ASPM: variants seen among roughly 807,000 people sequenced by gnomAD.
ASPM encodes the protein assembly factor for spindle microtubules, also known as abnormal spindle-like microcephaly-associated protein.
ASPM carries 256 observed loss-of-function variants against 366.4 expected under a neutral mutation model. That is an observed-to-expected ratio of 0.70 (90% CI 0.63 to 0.77). The LOEUF is 0.77. Ranked by LOEUF, ASPM falls within the 30% of genes least tolerant of loss-of-function variation. The pLI, the probability that ASPM is intolerant of heterozygous loss-of-function variation, is 0.00. For synonymous variants in ASPM, 1,414 were observed against 1,342.9 expected (o/e 1.05, Z -1.16); for missense variants, 4,146 against 4,090.4 (o/e 1.01, Z -0.37).
At position 197,122,039 on chromosome 1, in the gene ASPM, A is replaced by G; in HGVS notation, c.3746T>C (p.Val1249Ala). 2 of 1,612,024 alleles carry G rather than the reference A, an allele frequency of 1.2e-6. No homozygotes were observed. The highest frequency in any genetic ancestry group is 1.7e-6 in the Non-Finnish European group (2 of 1,178,706). Residue 1249 changes from valine to alanine, a missense_variant, in exon 16 of 28, where the codon GTT becomes GCT. Val to Ala is a moderately conservative substitution (Grantham distance 64, BLOSUM62 0). Coordinates refer to ENST00000367409, the MANE Select transcript of ASPM (RefSeq NM_018136.5). ...ACAAAGAAATGACAAATAGGTAATA[A>G]CCACCTAAAAAAAACCCACAAAAGA... ...MSNTIPDEKVVITYLSFLCAR... is the reference protein window; with the variant it reads ...MSNTIPDEKVAITYLSFLCAR...
In ASPM at chr1:197,122,163, T is replaced by C. The variant is rs965100712; in HGVS notation, c.3737A>G (p.Glu1246Gly). 1.9e-6 allele frequency: 3 copies of C among 1,609,918 alleles called. No individual in the cohort carries two copies. In the African/African-American group the frequency reaches 4.0e-5, roughly 22 times the overall value. The change falls in exon 15 of 28, where the codon GAA becomes GGA. Residue 1246 changes from glutamate to glycine, a missense_variant. Glu to Gly is a moderately conservative substitution (Grantham distance 98). Coordinates refer to ENST00000367409, the MANE Select transcript of ASPM (RefSeq NM_018136.5). ...AGAAACTCTTCTTTTACTTACCTTT[T>C]CATCTGGAATTGTATTTGACATATC... ...HSDMSNTIPD[E>G]KVVITYLSFL...
chr1:197,124,251 T>C lies in ASPM; in HGVS notation c.3249A>G (p.Ile1083Met). 1 of 1,608,608 alleles carries C rather than the reference T, an allele frequency of 6.2e-7. No individual in the cohort carries two copies. Among genetic ancestry groups the C allele is most frequent in the Non-Finnish European group, 8.5e-7 (1 of 1,175,536 alleles). The change falls in exon 13 of 28, where the codon ATA becomes ATG. Residue 1083 changes from isoleucine to methionine, a missense_variant. Ile to Met is a conservative substitution (Grantham distance 10). This residue lies in a region of ASPM where 3,624 missense variants were observed against 3,591.7 expected (regional missense o/e 1.01). Transcript: ENST00000367409. ...LKHTKSIKKT[I>M]SLLSCHSDDL... is the part of the protein sequence containing the mutation. ...CATCAGAATGGCATGATAGTAGAGA[T>C]ATTGTTTTCTTTATACTCTTTGTGT...
chr1:197,128,719 A>G, intron 9 of ASPM, 54 bp from the exon 10 acceptor site: 1 of 1,354,030 alleles, frequency 7.4e-7, no homozygotes, highest in Non-Finnish European at 1.0e-6. Context: ...TTTTGCTTAT[A>G]ATAAAAACAA....
At chr1:197,108,921 T>C (rs1270375714) in intron 17 of ASPM, among the ~76,000 whole-genome samples, 1 of 146,176 alleles carries the variant, frequency 6.8e-6, no homozygotes, top group African/African-American at 2.5e-5. Context: ...CAGTGAGCTG[T>C]GTTTGCACCA....
In ASPM at chr1:197,101,423, C is replaced by A. The variant is rs564163079; in HGVS notation, c.7828G>T (p.Ala2610Ser). ...TTTATGTTCATGTCCTGAAAACCTGCCTGAACACAAGTCTCTTTCTTAAGT... is the reference window on the plus strand; with the variant it reads ...TTTATGTTCATGTCCTGAAAACCTGACTGAACACAAGTCTCTTTCTTAAGT... Reference protein sequence around the residue: ...NELKKETCVQAGFQDMNIKKQ... With the variant: ...NELKKETCVQSGFQDMNIKKQ... The change falls in exon 18 of 28, where the codon GCA (alanine) becomes TCA (serine). Residue 2610 changes from alanine (A) to serine (S), a missense_variant. Coordinates refer to ENST00000367409, the MANE Select transcript of ASPM (RefSeq NM_018136.5). 1.2e-6 allele frequency: 2 copies of A among 1,608,458 alleles called. No homozygotes were observed. The highest frequency in any genetic ancestry group is 2.7e-5 in the African/African-American group (2 of 74,858).
chr1:197,101,491 T>C lies in ASPM; in HGVS notation c.7760A>G (p.Tyr2587Cys). 1.2e-6 allele frequency: 2 copies of C among 1,609,698 alleles called. No individual in the cohort carries two copies. Among genetic ancestry groups the C allele is most frequent in the Non-Finnish European group, 8.5e-7 (1 of 1,179,106 alleles). ...TTTCTGTTTCTTTTTATTTGCTCTA[T>C]ATTTTTCTTGTATGATTTTTGTAGC... ...QWATKIIQEK[Y>C]RANKKKQKVF... Residue 2587 changes from tyrosine to cysteine, a missense_variant, in exon 18 of 28, where the codon TAT (tyrosine) becomes TGT (cysteine). This residue lies in a region of ASPM where 3,624 missense variants were observed against 3,591.7 expected (regional missense o/e 1.01). Coordinates refer to ENST00000367409, the MANE Select transcript of ASPM (RefSeq NM_018136.5).
At position 197,124,702 on chromosome 1, in the gene ASPM, T is replaced by C. The variant is rs4915338; in HGVS notation, c.3168+168A>G. Among the ~76,000 whole-genome samples the C allele has an allele frequency of 0.76, 114,834 of 151,116 alleles. 47,886 individuals are homozygous for C. Among genetic ancestry groups the C allele is most frequent in the East Asian group, 0.98 (5,052 of 5,158 alleles). ...GATTAGATTGAAATATATATATATA[T>C]ACACATATATATACATATATATATA... is the stretch of plus-strand genomic sequence containing the variant. On this transcript the variant is annotated intron_variant, in intron 12 of 27. Transcript: ENST00000367409.
intron 7 of ASPM, among the ~76,000 whole-genome samples, chr1:197,131,533 AAAT>A (rs1658252841): frequency 1.3e-5 from 2 of 151,732 alleles, no homozygotes; most frequent in African/African-American, 4.8e-5. Context: ...ACTCCTGACC[AAAT>A]AATTGGCATA....
At position 197,146,370 on chromosome 1, in the gene ASPM, C is replaced by T; in HGVS notation, c.68G>A (p.Gly23Glu). The change falls in exon 1 of 28, where the codon GGG becomes GAG. Residue 23 changes from glycine (G) to glutamate (E), a missense_variant. This residue lies in a region of ASPM where 512 missense variants were observed against 471.7 expected (regional missense o/e 1.09). Transcript: ENST00000367409. ...VSPTERRPPA[G>E]LRGPAAEEEA... ...CTCCTCGGCCGCGGGGCCCCGCAGC[C>T]CCGCGGGCGGCCTCCGCTCGGTCGG... 6.2e-7 allele frequency: 1 copy of T among 1,608,504 alleles called. No homozygotes were observed. The highest frequency in any genetic ancestry group is 8.5e-7 in the Non-Finnish European group (1 of 1,178,528).
chr1:197,113,240 G>A (rs537305325), intron 17 of ASPM, among the ~76,000 whole-genome samples: 2 of 152,202 alleles, frequency 1.3e-5, no homozygotes, highest in South Asian at 4.2e-4. Flanking sequence ...GGAAGTGTGG[G>A]TTGGAAGATT....
At position 197,139,744 on chromosome 1, in the gene ASPM, G is replaced by A. The variant is rs754119186; in HGVS notation, c.2026+23C>T. 6.7e-6 allele frequency: 10 copies of A among 1,503,488 alleles called. No homozygotes were observed. The African/African-American group carries it at 1.2e-4, about 19-fold the overall frequency. The allele number at this position is 1,503,488 out of a possible 1,614,324, so 93.1% of individuals were successfully genotyped here. Reference sequence around the variant, plus strand: ...TCATTCGATGTCATGTTTTCAGAGAGTTTAAGTATAATAAATACTTGCCTG... The same window carrying A: ...TCATTCGATGTCATGTTTTCAGAGAATTTAAGTATAATAAATACTTGCCTG... On this transcript the variant is annotated intron_variant, in intron 4 of 27. Transcript: ENST00000367409.
chr1:197,103,344 C>T lies in ASPM; in HGVS notation c.5907G>A (p.Arg1969=), dbSNP rs1190970090. 9.3e-6 allele frequency: 15 copies of T among 1,613,080 alleles called. No individual in the cohort carries two copies. Among genetic ancestry groups the T allele is most frequent in the Non-Finnish European group, 1.3e-5 (15 of 1,179,476 alleles). ...GTATGATGATAGCACATTTATGTTG[C>T]CTTTGAAGCTGTCTTCTCAGTGTTT... ...KGKTLRRQLQ[R]QHKCAIIIQS... The change falls in exon 18 of 28, where the codon AGG becomes AGA. Residue 1969 remains arginine (R), a synonymous_variant. Coordinates refer to ENST00000367409, the MANE Select transcript of ASPM (RefSeq NM_018136.5).
In ASPM at chr1:197,143,200, A is replaced by C; in HGVS notation, c.1052T>G (p.Val351Gly). 6.2e-7 allele frequency: 1 copy of C among 1,613,598 alleles called. No homozygotes were observed. Among genetic ancestry groups the C allele is most frequent in the Non-Finnish European group, 8.5e-7 (1 of 1,179,660 alleles). The change falls in exon 3 of 28, where the codon GTG (valine) becomes GGG (glycine). Residue 351 changes from valine to glycine, a missense_variant. By Grantham distance (109) the Val-to-Gly change is moderately radical. Transcript: ENST00000367409. Reference protein sequence around the residue: ...DMFMKDNSQPVHLESTIAHEI... With the variant: ...DMFMKDNSQPGHLESTIAHEI... ...ATGTGCAATTGTTGATTCCAAATGCACAGGCTGTGAATTATCTTTCATAAA... is the reference window on the plus strand; with the variant it reads ...ATGTGCAATTGTTGATTCCAAATGCCCAGGCTGTGAATTATCTTTCATAAA...
intron 17 of ASPM, among the ~76,000 whole-genome samples, chr1:197,113,550 T>C (rs1351414923): frequency 6.6e-6 from 1 of 152,122 alleles, no homozygotes; most frequent in Admixed American, 6.6e-5. Context: ...GACAAAACAT[T>C]AATGCTTGTA....
chr1:197,097,571 C>A (rs1657018511), intron 18 of ASPM, among the ~76,000 whole-genome samples: 1 of 151,620 alleles, frequency 6.6e-6, no homozygotes, highest in Non-Finnish European at 1.5e-5. Flanking sequence ...TATATATGGC[C>A]AAAATTACTC....
Position 197,139,965 on chromosome 1 carries a change from A to G in ASPM, c.1922-94T>C, listed in dbSNP as rs142138744. ...AAAGTTAAAGTTTGGGTTCTTCACA[A>G]TCATATTCATTTAGCAAACACTTAA... On this transcript the variant is annotated intron_variant, in intron 3 of 27. Transcript: ENST00000367409. 1.2e-5 allele frequency: 10 copies of G among 830,024 alleles called. No homozygotes were observed. In the African/African-American group the frequency reaches 1.4e-4, roughly 11 times the overall value. 51.4% of individuals were successfully genotyped at this position (830,024 alleles called of 1,614,324 possible).
chr1:197,097,984 GTATA>G (rs960679060), intron 18 of ASPM, among the ~76,000 whole-genome samples: 11 of 146,288 alleles, frequency 7.5e-5, no homozygotes, highest in Admixed American at 5.7e-4. Context: ...ATACGTGTGT[GTATA>G]TATATATTTA....
intron 20 of ASPM, among the ~76,000 whole-genome samples, chr1:197,093,806 A>C (rs1216378960): frequency 6.6e-6 from 1 of 151,862 alleles, no homozygotes; most frequent in Non-Finnish European, 1.5e-5. Flanking sequence ...TTTATAAAAA[A>C]TGCAATATCT....
In ASPM at chr1:197,122,313, G is replaced by A. The variant is rs567865981; in HGVS notation, c.3599-12C>T. 2.5e-5 allele frequency: 40 copies of A among 1,613,670 alleles called. No individual in the cohort carries two copies. In the East Asian group the frequency reaches 7.6e-4, roughly 31 times the overall value. On this transcript the variant is annotated splice_polypyrimidine_tract_variant and intron_variant, in intron 14 of 27. Coordinates refer to ENST00000367409, the MANE Select transcript of ASPM (RefSeq NM_018136.5). ...CTCTGAAGTATTTTCTATTATGCAG[G>A]AGGAAAGGAGAAATTAGCCGTAGCT...
Sources: allele counts gnomAD v4.1 joint callset (sites outside exome capture counted in the v4.1 genomes callset), GRCh38; gene constraint gnomAD v4.1.1; regional missense constraint gnomAD v4.1.1; transcripts MANE v1.5; gene names NCBI Gene and HGNC (gene_info 2026-07-23, HGNC 2026-07-21).